FDCSP: variants seen among roughly 807,000 people sequenced by gnomAD.
The protein encoded by FDCSP is follicular dendritic cell secreted protein.
FDCSP carries 8 observed loss-of-function variants against 8.9 expected under a neutral mutation model. That is an observed-to-expected ratio of 0.90 (90% CI 0.53 to 1.63). The LOEUF (loss-of-function observed/expected upper bound fraction) is 1.63, where lower values mean the gene tolerates loss of function less well. Ranked by LOEUF, FDCSP falls within the 40% of genes most tolerant of loss-of-function variation. The pLI is 0.00. For synonymous variants in FDCSP, 34 were observed against 34.5 expected (o/e 0.98, Z 0.06); for missense variants, 101 against 103.6 (o/e 0.98, Z 0.11).
At chr4:70,233,787 A>AG (rs144824132) in intron 3 of FDCSP, among the ~76,000 whole-genome samples, 1 of 126,024 alleles carries the variant, frequency 7.9e-6, no homozygotes, top group Non-Finnish European at 1.9e-5. Flanking sequence ...TGATTGCCAG[A>AG]AAAACTTGCC....
At chr4:70,229,582 A>G (rs1730045055) in intron 1 of FDCSP, among the ~76,000 whole-genome samples, 1 of 151,726 alleles carries the variant, frequency 6.6e-6, no homozygotes, top group Non-Finnish European at 1.5e-5. Flanking sequence ...TCCTTTCACT[A>G]GAACACTTAG....
chr4:70,227,881 C>G (rs531388591), intron 1 of FDCSP, among the ~76,000 whole-genome samples: 1 of 151,900 alleles, frequency 6.6e-6, no homozygotes, highest in East Asian at 2.0e-4. Context: ...CTCAAAAATG[C>G]TAACAATTAT....
chr4:70,232,845 C>T, intron 2 of FDCSP, 149 bp from the exon 3 acceptor site: 1 of 711,752 alleles, frequency 1.4e-6, no homozygotes, highest in Non-Finnish European at 2.3e-6. Flanking sequence ...TTGGGAAAAT[C>T]ATTTCTACAT....
Position 70,235,193 on chromosome 4 carries a change from T to G in FDCSP, c.*137T>G, listed in dbSNP as rs1460655662. On this transcript the variant is annotated 3_prime_UTR_variant, in exon 5 of 5. Coordinates refer to ENST00000317987, the MANE Select transcript of FDCSP (RefSeq NM_152997.4). ...CACACAGCATTCTCTAGTCAATATC[T>G]TTAGTGATCTTCTTTAATAAACTTG... The G allele has an allele frequency of 6.6e-6, 1 of 151,786 alleles. No individual in the cohort carries two copies. Among genetic ancestry groups the G allele is most frequent in the Non-Finnish European group, 1.5e-5 (1 of 67,818 alleles). 9.4% of individuals were successfully genotyped at this position (151,786 alleles called of 1,614,324 possible). A position where few individuals can be genotyped will look rare whatever the true frequency, so the allele number is the denominator to read the frequency against.
intron 2 of FDCSP, 85 bp downstream of exon 2, chr4:70,231,336 G>T (rs571025022): frequency 9.1e-7 from 1 of 1,099,342 alleles, no homozygotes; most frequent in Non-Finnish European, 1.3e-6. Flanking sequence ...CATACACAAG[G>T]GTGGTCCCAA....
At chr4:70,231,479 T>TA (rs1013161511) in intron 2 of FDCSP, among the ~76,000 whole-genome samples, 14 of 150,162 alleles carry the variant, frequency 9.3e-5, no homozygotes, top group South Asian at 4.2e-4. Context: ...CCCCTCTCTA[T>TA]AAAAAAAAAT....
intron 3 of FDCSP, 56 bp downstream of exon 3, chr4:70,233,082 C>T: frequency 3.5e-6 from 5 of 1,426,950 alleles, no homozygotes; most frequent in East Asian, 4.6e-5. Context: ...ATATTCATAA[C>T]TATTGTTAAA....
rs201116707 is a variant in FDCSP, at chr4:70,232,945, T to C, written c.58-49T>C. ...TCATGCATATGTATATATTTATTTGTGTGTTTTCATGAGCATGAGTTTAAT... is the reference window on the plus strand; with the variant it reads ...TCATGCATATGTATATATTTATTTGCGTGTTTTCATGAGCATGAGTTTAAT... On this transcript the variant is annotated intron_variant, in intron 2 of 4. Transcript: ENST00000317987. 111 of 1,457,280 alleles carry C rather than the reference T, an allele frequency of 7.6e-5. 1 individual carries two copies. The Admixed American group carries it at 2.2e-3, about 29-fold the overall frequency. 90.3% of individuals were successfully genotyped at this position (1,457,280 alleles called of 1,614,324 possible).
intron 3 of FDCSP, among the ~76,000 whole-genome samples, chr4:70,233,516 G>A (rs987239135): frequency 6.6e-6 from 1 of 151,492 alleles, no homozygotes; most frequent in African/African-American, 2.4e-5. Flanking sequence ...TTGTTTAAAG[G>A]TTTGTTTTTA....
chr4:70,231,668 G>A (rs991547224), intron 2 of FDCSP, among the ~76,000 whole-genome samples: 1 of 151,598 alleles, frequency 6.6e-6, no homozygotes, highest in African/African-American at 2.4e-5. Flanking sequence ...CTATGTTACT[G>A]GTTTGTGTAT....
At chr4:70,228,910 T>C (rs1429334015) in intron 1 of FDCSP, among the ~76,000 whole-genome samples, 1 of 151,830 alleles carries the variant, frequency 6.6e-6, no homozygotes, top group Non-Finnish European at 1.5e-5. Context: ...AGATTTAGTA[T>C]AATTCTTAAG....
chr4:70,228,732 C>T lies in FDCSP; in HGVS notation c.1-2463C>T, dbSNP rs184175420. ...TGAAAACAACATTCATCTCTTTGTA[C>T]ATCTGCTTCAGAGTTCTTGGGGGCT... On this transcript the variant is annotated intron_variant, in intron 1 of 4. Transcript: ENST00000317987. Among the ~76,000 whole-genome samples, 15 of 151,840 alleles carry T rather than the reference C, an allele frequency of 9.9e-5. No individual in the cohort carries two copies. The East Asian group carries it at 2.7e-3, about 28-fold the overall frequency.
chr4:70,229,762 C>A (rs1730048321), intron 1 of FDCSP, among the ~76,000 whole-genome samples: 1 of 151,398 alleles, frequency 6.6e-6, no homozygotes. Context: ...CCCATAACAC[C>A]CCCAAATAAT....
At position 70,232,799 on chromosome 4, in the gene FDCSP, G is replaced by A. The variant is rs146709183; in HGVS notation, c.58-195G>A. Among the ~76,000 whole-genome samples the A allele has an allele frequency of 2.0e-4, 30 of 151,634 alleles. No individual in the cohort carries two copies. The East Asian group carries it at 4.3e-3, about 22-fold the overall frequency. On this transcript the variant is annotated intron_variant, in intron 2 of 4. Transcript: ENST00000317987. ...TTCCACATATCTTTGGTGTAGTGGT[G>A]AATTTGAGCCATTTAAGAATACATG...
intron 1 of FDCSP, among the ~76,000 whole-genome samples, chr4:70,226,815 A>G (rs1190381915): frequency 1.3e-5 from 2 of 149,860 alleles, no homozygotes; most frequent in Non-Finnish European, 3.0e-5. Context: ...AAATAAAAGG[A>G]GATAGCTGGT....
rs1730154095 is a variant in FDCSP at position 70,235,131 on chromosome 4, C to G, written c.*75C>G. On this transcript the variant is annotated 3_prime_UTR_variant, in exon 5 of 5. Coordinates refer to ENST00000317987, the MANE Select transcript of FDCSP (RefSeq NM_152997.4). ...GCCACTTCCTTGAAGAATCAAAATTCCTGTTAATAAAAGAAAAACAAATGT... is the reference window on the plus strand; with the variant it reads ...GCCACTTCCTTGAAGAATCAAAATTGCTGTTAATAAAAGAAAAACAAATGT... 6.6e-6 allele frequency: 1 copy of G among 151,712 alleles called. No homozygotes were observed. Among genetic ancestry groups the G allele is most frequent in the African/African-American group, 2.4e-5 (1 of 41,368 alleles). 9.4% of individuals were successfully genotyped at this position (151,712 alleles called of 1,614,324 possible).
chr4:70,233,941 T>C, intron 3 of FDCSP, 79 bp from the exon 4 acceptor site: 1 of 1,368,214 alleles, frequency 7.3e-7, no homozygotes, highest in Non-Finnish European at 9.9e-7. Flanking sequence ...TAAAGGCCCA[T>C]TATTTAAAAA....
At position 70,228,966 on chromosome 4, in the gene FDCSP, A is replaced by G. The variant is rs1391082626; in HGVS notation, c.1-2229A>G. On this transcript the variant is annotated intron_variant, in intron 1 of 4. Coordinates refer to ENST00000317987, the MANE Select transcript of FDCSP (RefSeq NM_152997.4). ...GATAAATGAGCATTGGCTTCAATTTAGGAAACCAGCTCTATCCCTTTAAAA... is the reference window on the plus strand; with the variant it reads ...GATAAATGAGCATTGGCTTCAATTTGGGAAACCAGCTCTATCCCTTTAAAA... Among the ~76,000 whole-genome samples the G allele has an allele frequency of 2.6e-5, 4 of 151,798 alleles. 1 individual carries two copies. The highest frequency in any genetic ancestry group is 2.0e-4 in the Admixed American group (3 of 15,190).
At position 70,234,080 on chromosome 4, in the gene FDCSP, C is replaced by T. The variant is rs768557922; in HGVS notation, c.151C>T (p.Arg51Cys). Reference protein sequence around the residue: ...FFVFPYPYPFRPLPPIPFPRF... With the variant: ...FFVFPYPYPFCPLPPIPFPRF... ...TGTGTTCCCTTACCCATATCCATTT[C>T]GCCCACTTCCACCAATTCCATTTCC... The change falls in exon 4 of 5, where the codon CGC becomes TGC. Residue 51 changes from arginine (R) to cysteine (C), a missense_variant. Arg to Cys is a radical substitution (Grantham distance 180). Coordinates refer to ENST00000317987, the MANE Select transcript of FDCSP (RefSeq NM_152997.4). 1.7e-5 allele frequency: 27 copies of T among 1,611,200 alleles called. No homozygotes were observed. The South Asian group carries it at 1.8e-4, about 10-fold the overall frequency.
Sources: allele counts gnomAD v4.1 joint callset (sites outside exome capture counted in the v4.1 genomes callset), GRCh38; gene constraint gnomAD v4.1.1; transcripts MANE v1.5; gene names NCBI Gene and HGNC (gene_info 2026-07-23, HGNC 2026-07-21).